Variants in KHDRBS2 observed in about 807,000 individuals in gnomAD.
KHDRBS2 encodes the protein KH domain-containing, RNA-binding, signal transduction-associated protein 2.
Under a neutral mutation model 44.3 loss-of-function variants are expected in KHDRBS2, and 26 were observed. The observed-to-expected ratio is 0.59, with a 90% CI of 0.43 to 0.81. KHDRBS2 has a LOEUF of 0.81. KHDRBS2 is among the 40% of genes least tolerant of loss of function. KHDRBS2 has a pLI of 0.00. For synonymous variants in KHDRBS2, 194 were observed against 151.1 expected (o/e 1.28, Z -2.08); for missense variants, 476 against 433.1 (o/e 1.10, Z -0.88).
chr6:62,104,665 G>T (rs1802721529), intron 2 of KHDRBS2, among the ~76,000 whole-genome samples: 2 of 151,700 alleles, frequency 1.3e-5, no homozygotes, highest in Non-Finnish European at 2.9e-5. Flanking sequence ...AAGGATAAGG[G>T]ATGGCAATAC....
chr6:61,594,350 C>G, the KHDRBS2 span, among the ~76,000 whole-genome samples: 1 of 152,164 alleles, frequency 6.6e-6, no homozygotes, highest in African/African-American at 2.4e-5. Flanking sequence ...GTCCTGTTTT[C>G]TAATTGGAGT....
chr6:62,274,049 C>T (rs577660819), intron 1 of KHDRBS2, among the ~76,000 whole-genome samples: 1 of 152,268 alleles, frequency 6.6e-6, no homozygotes, highest in Non-Finnish European at 1.5e-5. Flanking sequence ...AATTCTCCTG[C>T]CTCAGTCTCC....
chr6:61,962,979 G>A (rs1045470237), intron 4 of KHDRBS2, among the ~76,000 whole-genome samples: 9 of 152,046 alleles, frequency 5.9e-5, no homozygotes, highest in African/African-American at 1.7e-4. Context: ...GAGTCTCAAT[G>A]CTAAATATTT....
chr6:61,660,542 A>G, the KHDRBS2 span, among the ~76,000 whole-genome samples: 1 of 151,916 alleles, frequency 6.6e-6, no homozygotes, highest in Non-Finnish European at 1.5e-5. Flanking sequence ...TTAAAATACA[A>G]GAATATACAA....
chr6:61,558,938 G>T, the KHDRBS2 span, among the ~76,000 whole-genome samples: 4 of 152,128 alleles, frequency 2.6e-5, no homozygotes, highest in South Asian at 8.3e-4. Context: ...GGTCCATTTG[G>T]TCTTAGTGTA....
At chr6:62,024,595 C>G (rs1375562308) in intron 3 of KHDRBS2, among the ~76,000 whole-genome samples, 11 of 151,460 alleles carry the variant, frequency 7.3e-5, no homozygotes, top group Admixed American at 6.6e-5. Context: ...ATTTTATTGA[C>G]TTATCAAACT....
At chr6:61,589,355 A>G in the KHDRBS2 span, among the ~76,000 whole-genome samples, 1 of 152,236 alleles carries the variant, frequency 6.6e-6, no homozygotes, top group African/African-American at 2.4e-5. Flanking sequence ...AGAAAGAATG[A>G]AAGTCACTAA....
At chr6:62,161,651 T>C (rs1278561096) in intron 2 of KHDRBS2, among the ~76,000 whole-genome samples, 2 of 150,456 alleles carry the variant, frequency 1.3e-5, no homozygotes, top group Non-Finnish European at 3.0e-5. Context: ...AATTTACTTC[T>C]GTCATTTTGC....
intron 6 of KHDRBS2, among the ~76,000 whole-genome samples, chr6:61,799,110 G>A (rs1392719587): frequency 6.6e-6 from 1 of 152,032 alleles, no homozygotes; most frequent in East Asian, 1.9e-4. Context: ...TTACAGTACA[G>A]TAAGCTTTTA....
chr6:62,033,387 C>T (rs1317252878), intron 3 of KHDRBS2, among the ~76,000 whole-genome samples: 1 of 151,658 alleles, frequency 6.6e-6, no homozygotes, highest in Admixed American at 6.6e-5. Flanking sequence ...CAGATTTAAC[C>T]AAAAGAAGAC....
At chr6:61,654,859 T>C in the KHDRBS2 span, among the ~76,000 whole-genome samples, 1 of 151,600 alleles carries the variant, frequency 6.6e-6, no homozygotes, top group Non-Finnish European at 1.5e-5. Context: ...GGGGAAAAGA[T>C]ACAGCTGCTG....
chr6:61,672,617 T>C, the KHDRBS2 span, among the ~76,000 whole-genome samples: 8 of 152,068 alleles, frequency 5.3e-5, no homozygotes, highest in African/African-American at 1.9e-4. Context: ...CATTTTTTCA[T>C]GTGTCTTTTG....
At chr6:62,202,261 C>A (rs1431313734) in intron 1 of KHDRBS2, among the ~76,000 whole-genome samples, 1 of 152,060 alleles carries the variant, frequency 6.6e-6, no homozygotes, top group Non-Finnish European at 1.5e-5. Flanking sequence ...CTTAGAGACT[C>A]CCACACCAAC....
the KHDRBS2 span, among the ~76,000 whole-genome samples, chr6:61,610,809 A>T: frequency 6.6e-6 from 1 of 152,256 alleles, no homozygotes; most frequent in Non-Finnish European, 1.5e-5. Flanking sequence ...GAGGGGACTT[A>T]GGTCTCACAC....
intron 4 of KHDRBS2, among the ~76,000 whole-genome samples, chr6:61,941,497 A>AC (rs1326450161): frequency 6.6e-6 from 1 of 152,034 alleles, no homozygotes; most frequent in Non-Finnish European, 1.5e-5. Flanking sequence ...AGCATATACT[A>AC]CCCTGCAGCC....
At position 61,766,233 on chromosome 6, in the gene KHDRBS2, G is replaced by A. The variant is rs145999581; in HGVS notation, c.811-33469C>T. 3.4e-3 allele frequency among the ~76,000 whole-genome samples: 521 copies of A among 151,686 alleles called. 7 individuals carry two copies. In the South Asian group the frequency reaches 0.045, roughly 13 times the overall value. On this transcript the variant is annotated intron_variant, in intron 6 of 8. Coordinates refer to ENST00000281156, the MANE Select transcript of KHDRBS2 (RefSeq NM_152688.4). ...GGTTTTTATGTCCAGTAATTTATAC[G>A]TTTCTTCTAGGTTTTTCAATTAATT...
At chr6:62,219,573 T>A (rs924730468) in intron 1 of KHDRBS2, among the ~76,000 whole-genome samples, 3 of 151,310 alleles carry the variant, frequency 2.0e-5, no homozygotes, top group Non-Finnish European at 4.4e-5. Context: ...AAGATGCATA[T>A]TAGAAGAAAA....
intron 6 of KHDRBS2, among the ~76,000 whole-genome samples, chr6:61,889,467 T>A (rs1284130583): frequency 6.6e-6 from 1 of 152,162 alleles, no homozygotes; most frequent in Non-Finnish European, 1.5e-5. Flanking sequence ...CACCTTTACT[T>A]CATAAACACA....
intron 4 of KHDRBS2, among the ~76,000 whole-genome samples, chr6:61,939,165 T>C (rs910816791): frequency 8.5e-5 from 13 of 152,176 alleles, no homozygotes; most frequent in Non-Finnish European, 1.5e-4. Context: ...TATGCTGAAG[T>C]TGTGAAATCT....
Sources: allele counts gnomAD v4.1 joint callset (sites outside exome capture counted in the v4.1 genomes callset), GRCh38; gene constraint gnomAD v4.1.1; transcripts MANE v1.5; gene names NCBI Gene and HGNC (gene_info 2026-07-23, HGNC 2026-07-21).